Variants in ABCA13 observed in about 807,000 individuals in gnomAD.
ABCA13 encodes ATP binding cassette subfamily A member 13.
In ABCA13, 476 loss-of-function variants were observed where a neutral mutation model predicts 478.7. The observed-to-expected ratio is 0.99, with a 90% CI of 0.92 to 1.07. The LOEUF is 1.07. Among genes scored for constraint, ABCA13 ranks in the 50% least tolerant of loss-of-function variants. ABCA13 has a pLI of 0.00. For missense variants in ABCA13, 6,060 were observed against 5,910.6 expected (o/e 1.03, Z -0.83); for synonymous variants, 2,252 against 2,158.9 (o/e 1.04, Z -1.20).
At chr7:48,436,099 G>A (rs1822794940) in intron 42 of ABCA13, among the ~76,000 whole-genome samples, 1 of 150,926 alleles carries the variant, frequency 6.6e-6, no homozygotes, top group African/African-American at 2.4e-5. Flanking sequence ...GAGGCTTGTT[G>A]CTAATTCTTT....
rs1562937196 is a variant in ABCA13, at chr7:48,274,208, A to G, written c.4542A>G (p.Ala1514=). 2 of 1,612,854 alleles carry G rather than the reference A, an allele frequency of 1.2e-6. No individual in the cohort carries two copies. Among genetic ancestry groups the G allele is most frequent in the Non-Finnish European group, 1.7e-6 (2 of 1,179,298 alleles). The change falls in exon 17 of 62, where the codon GCA becomes GCG. Residue 1514 remains alanine, a synonymous_variant. Transcript: ENST00000435803. The part of the protein sequence containing the change: ...INNLTTDFDF[A]SQSNWRYFTE... ...ACTTAACAACAGACTTTGATTTTGC[A>G]TCTCAGTCCAATTGGAGATATTTTA...
intron 29 of ABCA13, among the ~76,000 whole-genome samples, chr7:48,345,949 C>CTATGTTTAGA (rs1563092045): frequency 6.6e-6 from 1 of 152,158 alleles, no homozygotes; most frequent in African/African-American, 2.4e-5. Flanking sequence ...TATACCTTTT[C>CTATGTTTAGA]TATGTTTAGA....
intron 31 of ABCA13, among the ~76,000 whole-genome samples, chr7:48,354,242 C>G (rs73323773): frequency 0.041 from 6,159 of 152,016 alleles, 278 homozygotes; most frequent in African/African-American, 0.095. Flanking sequence ...CATGAAAGAG[C>G]GGGGTTGTGC....
intron 42 of ABCA13, among the ~76,000 whole-genome samples, chr7:48,454,393 C>T (rs1194650012): frequency 6.6e-6 from 1 of 152,170 alleles, no homozygotes; most frequent in East Asian, 1.9e-4. Context: ...GGAGCGTGGC[C>T]GGATGATCAG....
At chr7:48,582,212 C>T (rs1310614185) in intron 56 of ABCA13, among the ~76,000 whole-genome samples, 1 of 152,154 alleles carries the variant, frequency 6.6e-6, no homozygotes, top group Non-Finnish European at 1.5e-5. Flanking sequence ...CCATATAAAC[C>T]AGCTCCAGGG....
At chr7:48,244,245 C>T (rs1256541786) in intron 10 of ABCA13, among the ~76,000 whole-genome samples, 2 of 152,230 alleles carry the variant, frequency 1.3e-5, no homozygotes, top group Admixed American at 1.3e-4. Context: ...TTCTATATCT[C>T]ATTAACTATA....
chr7:48,281,527 G>A, intron 19 of ABCA13, 75 bp downstream of exon 19: 1 of 1,284,490 alleles, frequency 7.8e-7, no homozygotes, highest in Non-Finnish European at 1.1e-6. Flanking sequence ...AGAGAGATGA[G>A]TATATTGCAC....
chr7:48,355,647 T>C (rs1444986895), intron 31 of ABCA13, among the ~76,000 whole-genome samples: 1 of 151,888 alleles, frequency 6.6e-6, no homozygotes, highest in African/African-American at 2.4e-5. Context: ...CTTGGTCCAG[T>C]GTGGTAGCAG....
rs71006559 is a variant in ABCA13, at chr7:48,232,139, A to ATTTTTTTTTTTTTTTTTTTTTTT, written c.764-1876_764-1854dup. Reference sequence around the variant, plus strand: ...CTCAGCACAGTGAGACCCACATGGAATTTTTTTTTTTTTTTTTTTTTTTTT... The same window carrying ATTTTTTTTTTTTTTTTTTTTTTT: ...CTCAGCACAGTGAGACCCACATGGAATTTTTTTTTTTTTTTTTTTTTTTTTTTTTTTTTTTTTTTTTTTTTTTT... On this transcript the variant is annotated intron_variant, in intron 7 of 61. Coordinates refer to ENST00000435803, the MANE Select transcript of ABCA13 (RefSeq NM_152701.5). 6.8e-4 allele frequency among the ~76,000 whole-genome samples: 35 copies of ATTTTTTTTTTTTTTTTTTTTTTT among 51,302 alleles called. 3 individuals are homozygous for ATTTTTTTTTTTTTTTTTTTTTTT. Among genetic ancestry groups the ATTTTTTTTTTTTTTTTTTTTTTT allele is most frequent in the Admixed American group, 9.3e-4 (4 of 4,302 alleles). The allele number at this position is 51,302 out of a possible 152,430, so 33.7% of individuals were successfully genotyped here.
intron 48 of ABCA13, among the ~76,000 whole-genome samples, chr7:48,504,236 G>A (rs978120601): frequency 3.3e-5 from 5 of 152,086 alleles, no homozygotes; most frequent in African/African-American, 1.2e-4. Context: ...TACAAAGATT[G>A]GGTTTCACTT....
chr7:48,546,330 G>A (rs906567073), intron 55 of ABCA13, among the ~76,000 whole-genome samples: 8 of 151,938 alleles, frequency 5.3e-5, no homozygotes, highest in African/African-American at 1.9e-4. Flanking sequence ...TAATTTGGCA[G>A]TGATGAATTA....
intron 41 of ABCA13, among the ~76,000 whole-genome samples, chr7:48,422,720 CT>C (rs1820933253): frequency 6.6e-6 from 1 of 152,194 alleles, no homozygotes; most frequent in Non-Finnish European, 1.5e-5. Flanking sequence ...CGTCCACGTC[CT>C]TATCACTGAA....
chr7:48,470,467 A>G (rs1453317281), intron 44 of ABCA13, among the ~76,000 whole-genome samples: 1 of 152,242 alleles, frequency 6.6e-6, no homozygotes, highest in Admixed American at 6.5e-5. Context: ...ATTTTTTTTA[A>G]AAGTACATAT....
chr7:48,247,470 T>C (rs574384121), intron 13 of ABCA13, among the ~76,000 whole-genome samples: 1 of 152,082 alleles, frequency 6.6e-6, no homozygotes, highest in Non-Finnish European at 1.5e-5. Context: ...GGATGATGCC[T>C]ACGATACGTA....
intron 55 of ABCA13, among the ~76,000 whole-genome samples, chr7:48,557,537 T>A (rs890710700): frequency 2.0e-5 from 3 of 152,174 alleles, no homozygotes; most frequent in African/African-American, 7.2e-5. Flanking sequence ...TTTTTGCCTG[T>A]AAGGTTTCCA....
At chr7:48,248,506 C>T (rs1035755719) in intron 14 of ABCA13, 62 bp downstream of exon 14, 14 of 1,287,810 alleles carry the variant, frequency 1.1e-5, no homozygotes, top group Non-Finnish European at 1.1e-5. Context: ...TTTCAACTGC[C>T]CCTTCTACAC....
intron 3 of ABCA13, among the ~76,000 whole-genome samples, chr7:48,203,305 C>A (rs1258161902): frequency 1.3e-5 from 2 of 152,224 alleles, no homozygotes; most frequent in Non-Finnish European, 2.9e-5. Context: ...TCCCTCCACA[C>A]CTCCCCGCAA....
intron 47 of ABCA13, among the ~76,000 whole-genome samples, chr7:48,486,527 C>G (rs1210910726): frequency 6.6e-6 from 1 of 152,086 alleles, no homozygotes; most frequent in Non-Finnish European, 1.5e-5. Flanking sequence ...CCAGGCTTCT[C>G]AATTGTCTCT....
intron 41 of ABCA13, among the ~76,000 whole-genome samples, chr7:48,423,466 T>G (rs1026400217): frequency 2.6e-5 from 4 of 152,170 alleles, no homozygotes; most frequent in African/African-American, 9.7e-5. Context: ...ACTGACACTT[T>G]AAGTGTAGAT....
Sources: allele counts gnomAD v4.1 joint callset (sites outside exome capture counted in the v4.1 genomes callset), GRCh38; gene constraint gnomAD v4.1.1; transcripts MANE v1.5; gene names NCBI Gene and HGNC (gene_info 2026-07-23, HGNC 2026-07-21).